The following RALYL variants were observed in gnomAD, a reference collection of about 807,000 sequenced individuals.
RALYL encodes RNA-binding Raly-like protein.
A neutral mutation model predicts 35.1 loss-of-function variants in RALYL; 29 were observed. The observed-to-expected ratio is 0.83, with a 90% CI of 0.61 to 1.13. The LOEUF is 1.13. RALYL is among the 50% of genes most tolerant of loss of function. RALYL has a pLI of 0.00. For synonymous variants in RALYL, 120 were observed against 127.6 expected (o/e 0.94, Z 0.40); for missense variants, 359 against 360.4 (o/e 1.00, Z 0.03).
intron 1 of RALYL, among the ~76,000 whole-genome samples, chr8:84,245,135 C>A (rs1449927446): frequency 6.6e-6 from 1 of 152,108 alleles, no homozygotes; most frequent in Non-Finnish European, 1.5e-5. Context: ...TTGAACTTTG[C>A]ACTGAAGGGC....
At chr8:84,885,591 A>C (rs761288040) in intron 7 of RALYL, among the ~76,000 whole-genome samples, 1 of 152,194 alleles carries the variant, frequency 6.6e-6, no homozygotes, top group Non-Finnish European at 1.5e-5. Context: ...TTTGAACCTA[A>C]TAAGTTGATT....
intron 1 of RALYL, among the ~76,000 whole-genome samples, chr8:84,354,578 G>A (rs1851483175): frequency 6.7e-6 from 1 of 150,084 alleles, no homozygotes; most frequent in African/African-American, 2.5e-5. Flanking sequence ...TTCCAAGTTG[G>A]CCCCCTTCTC....
chr8:84,691,168 A>G (rs1401791663), intron 2 of RALYL, among the ~76,000 whole-genome samples: 1 of 152,112 alleles, frequency 6.6e-6, no homozygotes, highest in Non-Finnish European at 1.5e-5. Context: ...TTAGACTACA[A>G]ACATTTTGTA....
intron 5 of RALYL, among the ~76,000 whole-genome samples, chr8:84,850,672 GTTC>G (rs947273128): frequency 1.9e-4 from 29 of 152,210 alleles, no homozygotes; most frequent in African/African-American, 6.0e-4. Context: ...AGGTGTTTTA[GTTC>G]TTTGTAAAGA....
At chr8:84,670,120 GAA>G (rs535043658) in intron 2 of RALYL, among the ~76,000 whole-genome samples, 3 of 143,876 alleles carry the variant, frequency 2.1e-5, no homozygotes, top group Non-Finnish European at 4.6e-5. Context: ...ATTTCCTGCT[GAA>G]AAAAAAAAAC....
chr8:84,254,746 G>GAGAAA (rs770155597), intron 1 of RALYL, among the ~76,000 whole-genome samples: 22 of 126,502 alleles, frequency 1.7e-4, no homozygotes, highest in African/African-American at 3.7e-4. Context: ...GGTAATTTAT[G>GAGAAA]AAAAAAAAAA....
intron 1 of RALYL, among the ~76,000 whole-genome samples, chr8:84,193,321 A>C (rs1399602049): frequency 1.3e-5 from 2 of 152,206 alleles, no homozygotes; most frequent in Non-Finnish European, 2.9e-5. Context: ...GAGGTATAAT[A>C]GAAAGGAAAA....
chr8:84,193,232 T>A (rs756630273), intron 1 of RALYL, among the ~76,000 whole-genome samples: 1 of 152,154 alleles, frequency 6.6e-6, no homozygotes, highest in Non-Finnish European at 1.5e-5. Context: ...GAAGGAAGGA[T>A]ATTTTTAAAG....
chr8:84,188,391 G>A (rs774841201), intron 1 of RALYL, among the ~76,000 whole-genome samples: 1 of 151,902 alleles, frequency 6.6e-6, no homozygotes, highest in Non-Finnish European at 1.5e-5. Flanking sequence ...TGTTTAAAAA[G>A]GTCCTTATTG....
intron 1 of RALYL, among the ~76,000 whole-genome samples, chr8:84,270,382 G>T (rs1185235259): frequency 6.6e-6 from 1 of 152,150 alleles, no homozygotes; most frequent in East Asian, 1.9e-4. Flanking sequence ...GGCAAATATA[G>T]ATTAGAACAG....
At chr8:84,310,617 A>G (rs1039032542) in intron 1 of RALYL, among the ~76,000 whole-genome samples, 6 of 152,192 alleles carry the variant, frequency 3.9e-5, no homozygotes, top group Admixed American at 6.5e-5. Flanking sequence ...AATGGCACAA[A>G]TTATGTTCAA....
chr8:84,773,521 T>C (rs1586141977), intron 2 of RALYL, among the ~76,000 whole-genome samples: 1 of 152,354 alleles, frequency 6.6e-6, no homozygotes, highest in East Asian at 1.9e-4. Context: ...AACTTTCCAA[T>C]TTCTTAACAG....
intron 2 of RALYL, among the ~76,000 whole-genome samples, chr8:84,615,390 A>G (rs1819265928): frequency 1.3e-5 from 2 of 151,472 alleles, no homozygotes; most frequent in South Asian, 4.2e-4. Flanking sequence ...ATCTGCATAC[A>G]ATAGACTATC....
chr8:84,337,199 T>C (rs1481608668), intron 1 of RALYL, among the ~76,000 whole-genome samples: 1 of 151,922 alleles, frequency 6.6e-6, no homozygotes, highest in Non-Finnish European at 1.5e-5. Flanking sequence ...GGTGCATATT[T>C]GATTCATTTC....
chr8:84,839,868 G>A (rs922815393), intron 4 of RALYL, among the ~76,000 whole-genome samples: 1 of 152,212 alleles, frequency 6.6e-6, no homozygotes, highest in Non-Finnish European at 1.5e-5. Flanking sequence ...GGTCTGGAGT[G>A]GACCTCCAGC....
chr8:84,225,090 T>C (rs1456104182), intron 1 of RALYL, among the ~76,000 whole-genome samples: 1 of 152,236 alleles, frequency 6.6e-6, no homozygotes, highest in Non-Finnish European at 1.5e-5. Context: ...TCACCATCCA[T>C]CCAGTTGCTC....
intron 1 of RALYL, among the ~76,000 whole-genome samples, chr8:84,229,137 G>C (rs890695979): frequency 6.6e-6 from 1 of 152,158 alleles, no homozygotes; most frequent in Non-Finnish European, 1.5e-5. Context: ...AATGCATTTA[G>C]TCAATTAATC....
At chr8:84,478,079 C>T (rs997401363) in intron 1 of RALYL, among the ~76,000 whole-genome samples, 4 of 151,916 alleles carry the variant, frequency 2.6e-5, no homozygotes, top group South Asian at 2.1e-4. Context: ...TTTCTTCAAG[C>T]GTGAAGTCTC....
intron 1 of RALYL, among the ~76,000 whole-genome samples, chr8:84,457,125 CT>C (rs1480247519): frequency 6.6e-6 from 1 of 151,950 alleles, no homozygotes; most frequent in Non-Finnish European, 1.5e-5. Context: ...ATCTCAGTTC[CT>C]TGCCAGTTGT....
Sources: gnomAD v4.1 joint callset for allele counts (sites outside exome capture counted in the v4.1 genomes callset) on GRCh38, gnomAD v4.1.1 for gene constraint, MANE v1.5 for transcripts, NCBI Gene and HGNC (gene_info 2026-07-23, HGNC 2026-07-21) for gene names.